Variants in EPHA6 observed in about 807,000 individuals in gnomAD.
EPHA6 encodes ephrin type-A receptor 6.
In EPHA6, 50 loss-of-function variants were observed where a neutral mutation model predicts 112.0. That is an observed-to-expected ratio of 0.45 (90% CI 0.36 to 0.56). The LOEUF is 0.56. Ranked by LOEUF, EPHA6 falls within the 20% of genes least tolerant of loss-of-function variation. EPHA6 has a pLI of 0.00. For missense variants in EPHA6, 1,280 were observed against 1,417.4 expected (o/e 0.90, Z 1.56); for synonymous variants, 529 against 490.7 (o/e 1.08, Z -1.03).
rs114651284 is a variant in EPHA6 at position 97,318,375 on chromosome 3, A to G, written c.1606+74088A>G. On this transcript the variant is annotated intron_variant, in intron 5 of 17. Coordinates refer to ENST00000389672, the MANE Select transcript of EPHA6 (RefSeq NM_001080448.3). ...CAGCTAAATATTCTCCTAATGTCTC[A>G]GTTGTTCTAGTTGGAACTTAGCCTC... 3.8e-3 allele frequency among the ~76,000 whole-genome samples: 574 copies of G among 152,138 alleles called. 8 individuals are homozygous for G. The highest frequency in any genetic ancestry group is 0.012 in the African/African-American group (514 of 41,458).
chr3:97,308,648 C>T (rs1185945290), intron 5 of EPHA6, among the ~76,000 whole-genome samples: 1 of 151,714 alleles, frequency 6.6e-6, no homozygotes, highest in African/African-American at 2.4e-5. Flanking sequence ...TGAATACTCC[C>T]TCTCTGTACT....
chr3:97,526,221 C>T (rs1472363666), intron 10 of EPHA6, among the ~76,000 whole-genome samples: 2 of 152,170 alleles, frequency 1.3e-5, no homozygotes, highest in African/African-American at 2.4e-5. Flanking sequence ...GTGGGACATG[C>T]CTTCTTGTGC....
intron 3 of EPHA6, among the ~76,000 whole-genome samples, chr3:97,170,398 G>C (rs1258624528): frequency 2.0e-5 from 3 of 152,122 alleles, no homozygotes; most frequent in Admixed American, 6.6e-5. Flanking sequence ...GAATGTGAAA[G>C]ACTGGATAAA....
chr3:97,522,896 A>G (rs989086338), intron 10 of EPHA6, among the ~76,000 whole-genome samples: 1 of 151,762 alleles, frequency 6.6e-6, no homozygotes, highest in East Asian at 1.9e-4. Flanking sequence ...CTCCTCTTTC[A>G]TTTGTGATTT....
intron 10 of EPHA6, among the ~76,000 whole-genome samples, chr3:97,502,200 G>A (rs1009909280): frequency 2.8e-5 from 3 of 105,594 alleles, no homozygotes; most frequent in African/African-American, 1.2e-4. Flanking sequence ...ACAGAATCTT[G>A]CTCTATCGCC....
At chr3:97,339,803 A>G (rs2083219912) in intron 5 of EPHA6, among the ~76,000 whole-genome samples, 1 of 152,198 alleles carries the variant, frequency 6.6e-6, no homozygotes, top group African/African-American at 2.4e-5. Flanking sequence ...TTATAACCCT[A>G]CACTGAAAGA....
intron 2 of EPHA6, among the ~76,000 whole-genome samples, chr3:96,894,171 G>T (rs751677868): frequency 6.6e-6 from 1 of 152,084 alleles, no homozygotes; most frequent in Non-Finnish European, 1.5e-5. Context: ...ACACCTCAGG[G>T]TCTTCAAGTA....
intron 6 of EPHA6, among the ~76,000 whole-genome samples, chr3:97,428,797 CT>C (rs1483828418): frequency 6.6e-6 from 1 of 152,128 alleles, no homozygotes; most frequent in African/African-American, 2.4e-5. Flanking sequence ...AGAACCAGAC[CT>C]TTCTTGCTGA....
chr3:97,591,245 T>C (rs1409989026), intron 11 of EPHA6, among the ~76,000 whole-genome samples: 1 of 152,200 alleles, frequency 6.6e-6, no homozygotes, highest in Admixed American at 6.5e-5. Flanking sequence ...CATGAAAACA[T>C]TTCTAAAGAT....
At chr3:97,611,870 T>G (rs2093723119) in intron 13 of EPHA6, among the ~76,000 whole-genome samples, 1 of 151,924 alleles carries the variant, frequency 6.6e-6, no homozygotes, top group African/African-American at 2.4e-5. Context: ...TTGATCTCAT[T>G]TTCATTTATT....
intron 2 of EPHA6, among the ~76,000 whole-genome samples, chr3:96,960,067 G>C (rs1012034098): frequency 6.6e-6 from 1 of 152,148 alleles, no homozygotes; most frequent in Non-Finnish European, 1.5e-5. Flanking sequence ...ATGCAAGTAC[G>C]AGTAATGTCT....
rs547155938 is a variant in EPHA6 at position 97,232,346 on chromosome 3, A to G, written c.1270+5927A>G. 2.8e-3 allele frequency among the ~76,000 whole-genome samples: 419 copies of G among 152,322 alleles called. 4 individuals carry two copies. In the South Asian group the frequency reaches 0.046, roughly 17 times the overall value. On this transcript the variant is annotated intron_variant, in intron 4 of 17. Coordinates refer to ENST00000389672, the MANE Select transcript of EPHA6 (RefSeq NM_001080448.3). ...TTAAAAAGAAAGCTGTTCTCTTACA[A>G]TTCGTTTTGAAAGAGTGTCTGGTAA...
At chr3:97,500,583 C>T (rs892035538) in intron 10 of EPHA6, among the ~76,000 whole-genome samples, 5 of 152,012 alleles carry the variant, frequency 3.3e-5, no homozygotes, top group Admixed American at 3.3e-4. Flanking sequence ...CCATCAGGCC[C>T]GGCCTACAAC....
intron 11 of EPHA6, among the ~76,000 whole-genome samples, chr3:97,589,447 C>A (rs1316115442): frequency 6.6e-6 from 1 of 151,992 alleles, no homozygotes; most frequent in Non-Finnish European, 1.5e-5. Context: ...TATTAACTAG[C>A]AACTTTTTAA....
chr3:97,603,933 C>G (rs1343388467), intron 12 of EPHA6, among the ~76,000 whole-genome samples: 1 of 151,672 alleles, frequency 6.6e-6, no homozygotes, highest in Non-Finnish European at 1.5e-5. Context: ...CTCTGCAAAC[C>G]ACTTCTTAGC....
At chr3:97,330,889 A>C (rs2082763561) in intron 5 of EPHA6, among the ~76,000 whole-genome samples, 1 of 152,156 alleles carries the variant, frequency 6.6e-6, no homozygotes, top group Non-Finnish European at 1.5e-5. Context: ...CTCTGCACCA[A>C]GTGGACCTAA....
intron 14 of EPHA6, among the ~76,000 whole-genome samples, chr3:97,698,612 C>T (rs995432101): frequency 2.6e-5 from 4 of 152,114 alleles, no homozygotes; most frequent in East Asian, 3.9e-4. Flanking sequence ...TTTTTATTCA[C>T]GGTATTTTAT....
intron 3 of EPHA6, among the ~76,000 whole-genome samples, chr3:97,073,052 G>A (rs1297865847): frequency 3.9e-5 from 6 of 152,098 alleles, no homozygotes; most frequent in South Asian, 4.1e-4. Context: ...GCCCCCTCCC[G>A]CTTCTAGTTA....
intron 2 of EPHA6, among the ~76,000 whole-genome samples, chr3:96,913,190 A>ACACACACACACACACACACACAC (rs1252139218): frequency 7.2e-6 from 1 of 138,164 alleles, no homozygotes; most frequent in Non-Finnish European, 1.6e-5. Context: ...ACACACACAC[A>ACACACACACACACACACACACAC]CACACACACA....
Sources: allele counts gnomAD v4.1 joint callset (sites outside exome capture counted in the v4.1 genomes callset), GRCh38; gene constraint gnomAD v4.1.1; transcripts MANE v1.5; gene names NCBI Gene and HGNC (gene_info 2026-07-23, HGNC 2026-07-21).